The following LRIG1 variants were observed in gnomAD, a reference collection of about 807,000 sequenced individuals.
LRIG1 encodes the protein leucine-rich repeats and immunoglobulin-like domains protein 1.
LRIG1 carries 48 observed loss-of-function variants against 99.2 expected under a neutral mutation model. The ratio of observed to expected loss-of-function variants is 0.48; its 90% confidence interval spans 0.38 to 0.62. The LOEUF (loss-of-function observed/expected upper bound fraction) is 0.62, where lower values mean the gene tolerates loss of function less well. Ranked by LOEUF, LRIG1 falls within the 20% of genes least tolerant of loss-of-function variation. LRIG1 has a pLI of 0.00. For missense variants in LRIG1, 1,646 were observed against 1,434.4 expected (o/e 1.15, Z -2.38); for synonymous variants, 772 against 596.1 (o/e 1.29, Z -4.30).
In LRIG1 at chr3:66,462,425, G is replaced by C; in HGVS notation, c.290+13C>G. 6.2e-7 allele frequency: 1 copy of C among 1,604,584 alleles called. No homozygotes were observed. Among genetic ancestry groups the C allele is most frequent in the Non-Finnish European group, 8.5e-7 (1 of 1,172,618 alleles). The stretch of plus-strand genomic sequence containing the variant: ...CATCCTTCCATCCACCAGAGGTTTA[G>C]GGGGAGACTCACACTTCCTGTAGGT... On this transcript the variant is annotated intron_variant, in intron 2 of 18. Coordinates refer to ENST00000273261, the MANE Select transcript of LRIG1 (RefSeq NM_015541.3).
rs1275882148 is a variant in LRIG1 at position 66,500,285 on chromosome 3, G to A, written c.123C>T (p.Cys41=). 1 of 1,480,708 alleles carries A rather than the reference G, an allele frequency of 6.8e-7. No homozygotes were observed. Among genetic ancestry groups the A allele is most frequent in the Non-Finnish European group, 8.9e-7 (1 of 1,121,730 alleles). 91.7% of individuals were successfully genotyped at this position (1,480,708 alleles called of 1,614,324 possible). Residue 41 remains cysteine, a synonymous_variant, in exon 1 of 19, where the codon TGC becomes TGT. Coordinates refer to ENST00000273261, the MANE Select transcript of LRIG1 (RefSeq NM_015541.3). The part of the protein sequence containing the change: ...VTAAAGPRAP[C]AAACTCAGDS... ...CCCCAGCGCAAGTGCAGGCGGCCGCGCAGGGCGCCCGCGGGCCGGCCGCGG... is the reference window on the plus strand; with the variant it reads ...CCCCAGCGCAAGTGCAGGCGGCCGCACAGGGCGCCCGCGGGCCGGCCGCGG...
chr3:66,389,153 T>C (rs1332340901), intron 12 of LRIG1, among the ~76,000 whole-genome samples: 1 of 152,228 alleles, frequency 6.6e-6, no homozygotes, highest in African/African-American at 2.4e-5. Context: ...AATTTCATTA[T>C]TTATTTGAAC....
chr3:66,497,440 C>A (rs1701251935), intron 1 of LRIG1, among the ~76,000 whole-genome samples: 1 of 152,138 alleles, frequency 6.6e-6, no homozygotes, highest in Admixed American at 6.5e-5. Flanking sequence ...TAAGGCTTGG[C>A]AGTGGCTTGG....
intron 3 of LRIG1, among the ~76,000 whole-genome samples, chr3:66,427,512 G>C (rs1242510378): frequency 6.6e-6 from 1 of 152,206 alleles, no homozygotes; most frequent in Admixed American, 6.5e-5. Context: ...CTTGTCAGAA[G>C]ACACAGGCTG....
intron 3 of LRIG1, among the ~76,000 whole-genome samples, chr3:66,442,801 C>T (rs1192077033): frequency 2.0e-5 from 3 of 152,098 alleles, no homozygotes; most frequent in Admixed American, 1.3e-4. Flanking sequence ...CAAAAGCTAC[C>T]GAGTTTCCAA....
intron 1 of LRIG1, among the ~76,000 whole-genome samples, chr3:66,483,894 C>T (rs970074318): frequency 2.6e-5 from 4 of 152,230 alleles, no homozygotes; most frequent in African/African-American, 7.2e-5. Flanking sequence ...AGGGACGAGG[C>T]GCCCGAGGAC....
In LRIG1 at chr3:66,379,395, T is replaced by C. The variant is rs1700896590; in HGVS notation, c.*868A>G. ...TATTGGCAAAACGAAAACATCAGTA[T>C]AGAAAAATCCACAGGTACCAACACC... On this transcript the variant is annotated 3_prime_UTR_variant, in exon 19 of 19. Transcript: ENST00000273261. 1 of 151,970 alleles carries C rather than the reference T, an allele frequency of 6.6e-6. No individual in the cohort carries two copies. The highest frequency in any genetic ancestry group is 1.5e-5 in the Non-Finnish European group (1 of 67,922). 9.4% of individuals were successfully genotyped at this position (151,970 alleles called of 1,614,324 possible).
At chr3:66,456,572 TA>T (rs35291779) in intron 2 of LRIG1, among the ~76,000 whole-genome samples, 30,326 of 121,608 alleles carry the variant, frequency 0.25, 4,016 homozygotes, top group East Asian at 0.64. Context: ...GATCCTGTCT[TA>T]AAAAAAAAAA....
Position 66,410,188 on chromosome 3 carries a change from G to C in LRIG1, c.876C>G (p.Asn292Lys), listed in dbSNP as rs201767328. ...LTALHQLHLS[N>K]NSIARIHRKG... ...TGCGGTGAATGCGAGCGATGGAATT[G>C]TTGCTGAGGTGGAGCTGATGCAGGG... The change falls in exon 7 of 19, where the codon AAC (asparagine) becomes AAG (lysine). Residue 292 changes from asparagine (N) to lysine (K), a missense_variant. Coordinates refer to ENST00000273261, the MANE Select transcript of LRIG1 (RefSeq NM_015541.3). The C allele has an allele frequency of 2.3e-5, 37 of 1,614,194 alleles. No individual in the cohort carries two copies. Among genetic ancestry groups the C allele is most frequent in the Non-Finnish European group, 2.9e-5 (34 of 1,179,980 alleles).
At chr3:66,476,575 A>G (rs1398707818) in intron 1 of LRIG1, among the ~76,000 whole-genome samples, 1 of 152,192 alleles carries the variant, frequency 6.6e-6, no homozygotes, top group Non-Finnish European at 1.5e-5. Context: ...CCAAGATGCC[A>G]CACTGCAGTT....
intron 1 of LRIG1, among the ~76,000 whole-genome samples, chr3:66,497,442 GT>G (rs1280449705): frequency 6.6e-6 from 1 of 152,152 alleles, no homozygotes; most frequent in Non-Finnish European, 1.5e-5. Flanking sequence ...AGGCTTGGCA[GT>G]GGCTTGGTGC....
Position 66,398,326 on chromosome 3 carries a change from A to G in LRIG1, c.1233-143T>C, listed in dbSNP as rs555717326. 368 of 631,518 alleles carry G rather than the reference A, an allele frequency of 5.8e-4. 7 individuals are homozygous for G. The South Asian group carries it at 7.4e-3, about 13-fold the overall frequency. The allele number at this position is 631,518 out of a possible 1,614,324, so 39.1% of individuals were successfully genotyped here. A position where few individuals can be genotyped will look rare whatever the true frequency, so the allele number is the denominator to read the frequency against. ...ACTATAAGTGGCTGTTGTTTCCCAA[A>G]TCGCAACACAAGCCCATGGAATGAC... is the stretch of plus-strand genomic sequence containing the variant. On this transcript the variant is annotated intron_variant, in intron 10 of 18. Transcript: ENST00000273261.
Position 66,451,637 on chromosome 3 carries a change from TAAC to T in LRIG1, c.291-7_291-5del, listed in dbSNP as rs1703908620. Reference sequence around the variant, plus strand: ...CAACTCATTATTATTGAGGTACCTGTAACAACAACAAGAAATTAATCATGTAAG... The same window carrying T: ...CAACTCATTATTATTGAGGTACCTGTAACAACAAGAAATTAATCATGTAAG... On this transcript the variant is annotated splice_polypyrimidine_tract_variant and splice_region_variant and intron_variant, in intron 2 of 18. Transcript: ENST00000273261. 2.5e-6 allele frequency: 4 copies of T among 1,609,832 alleles called. No individual in the cohort carries two copies. Among genetic ancestry groups the T allele is most frequent in the Non-Finnish European group, 3.4e-6 (4 of 1,176,372 alleles).
At position 66,453,839 on chromosome 3, in the gene LRIG1, C is replaced by A. The variant is rs1218222529; in HGVS notation, c.291-2206G>T. ...TTAAACCTGAAACAAAGCGTATGGA[C>A]TTCTCTGCAGGGGGCTACGCCTGAT... is the stretch of plus-strand genomic sequence containing the variant. On this transcript the variant is annotated intron_variant, in intron 2 of 18. Coordinates refer to ENST00000273261, the MANE Select transcript of LRIG1 (RefSeq NM_015541.3). Among the ~76,000 whole-genome samples the A allele has an allele frequency of 1.2e-4, 18 of 152,222 alleles. 1 individual carries two copies. Among genetic ancestry groups the A allele is most frequent in the Admixed American group, 6.5e-4 (10 of 15,288 alleles).
In LRIG1 at chr3:66,383,158, T is replaced by C; in HGVS notation, c.2315A>G (p.Glu772Gly). ...TCEMSNTLGT[E>G]RAHSQLSVLP... Reference sequence around the variant, plus strand: ...GACGCTCAGCTGGCTGTGAGCTCGCTCCGTGCCCAGGGTGTTGGACATCTC... The same window carrying C: ...GACGCTCAGCTGGCTGTGAGCTCGCCCCGTGCCCAGGGTGTTGGACATCTC... Residue 772 changes from glutamate to glycine, a missense_variant, in exon 15 of 19, where the codon GAG (glutamate) becomes GGG (glycine). By Grantham distance (98) the Glu-to-Gly change is moderately conservative (BLOSUM62 -2). Coordinates refer to ENST00000273261, the MANE Select transcript of LRIG1 (RefSeq NM_015541.3). 6.2e-7 allele frequency: 1 copy of C among 1,614,234 alleles called. No individual in the cohort carries two copies. The highest frequency in any genetic ancestry group is 8.5e-7 in the Non-Finnish European group (1 of 1,180,052).
intron 5 of LRIG1, among the ~76,000 whole-genome samples, chr3:66,414,261 G>A (rs1032370624): frequency 3.3e-5 from 5 of 152,120 alleles, no homozygotes; most frequent in Non-Finnish European, 5.9e-5. Context: ...GCCAGGCATG[G>A]TGGTGGGTGC....
intron 9 of LRIG1, among the ~76,000 whole-genome samples, chr3:66,402,067 G>T (rs1356195730): frequency 6.6e-6 from 1 of 152,128 alleles, no homozygotes; most frequent in Non-Finnish European, 1.5e-5. Flanking sequence ...CATCAGCTCT[G>T]CAAGATCCCC....
Position 66,432,283 on chromosome 3 carries a change from G to A in LRIG1, c.366-15017C>T, listed in dbSNP as rs73833493. 2.0e-3 allele frequency among the ~76,000 whole-genome samples: 300 copies of A among 152,302 alleles called. 2 individuals carry two copies. Among genetic ancestry groups the A allele is most frequent in the African/African-American group, 6.8e-3 (284 of 41,566 alleles). Reference sequence around the variant, plus strand: ...CAAACTTCAAAGGGCCTTTGTAGCCGGAGTCTGGAATGGAGCCCTGGTGCT... The same window carrying A: ...CAAACTTCAAAGGGCCTTTGTAGCCAGAGTCTGGAATGGAGCCCTGGTGCT... On this transcript the variant is annotated intron_variant, in intron 3 of 18. Transcript: ENST00000273261.
chr3:66,385,982 A>G lies in LRIG1; in HGVS notation c.1788T>C (p.Asn596=). ...TYSHKARLTV[N]VLPSFTKTPH... is the part of the protein sequence containing the mutation. ...ATAACAAAGATGGTGTTTCCATACC[A>G]TTCACGGTGAGCCTGGCCTTATGTG... The change falls in exon 13 of 19, where the codon AAT becomes AAC. Residue 596 remains asparagine, a splice_region_variant and synonymous_variant. Coordinates refer to ENST00000273261, the MANE Select transcript of LRIG1 (RefSeq NM_015541.3). 6.2e-7 allele frequency: 1 copy of G among 1,613,056 alleles called. No homozygotes were observed. Among genetic ancestry groups the G allele is most frequent in the Middle Eastern group, 1.7e-4 (1 of 6,058 alleles).
Sources: gnomAD v4.1 joint callset for allele counts (sites outside exome capture counted in the v4.1 genomes callset) on GRCh38, gnomAD v4.1.1 for gene constraint, MANE v1.5 for transcripts, NCBI Gene and HGNC (gene_info 2026-07-23, HGNC 2026-07-21) for gene names.